The following RHBDD1 variants were observed in gnomAD, a reference collection of about 807,000 sequenced individuals.
RHBDD1 encodes the protein rhomboid domain containing 1.
RHBDD1 carries 38 observed loss-of-function variants against 36.3 expected under a neutral mutation model. The observed-to-expected ratio is 1.05, with a 90% CI of 0.81 to 1.37. The LOEUF (loss-of-function observed/expected upper bound fraction) is 1.37. Among genes scored for constraint, RHBDD1 ranks in the 40% most tolerant of loss-of-function variants. The probability of loss-of-function intolerance (pLI) is 0.00; values close to 1 mark genes in which losing one functional copy is unlikely to be tolerated. For missense variants in RHBDD1, 393 were observed against 377.6 expected, an observed-to-expected ratio of 1.04 and a Z score of -0.34; for synonymous variants, 151 against 136.5, an observed-to-expected ratio of 1.11 and a Z score of -0.74.
intron 8 of RHBDD1, among the ~76,000 whole-genome samples, chr2:226,956,078 A>G (rs1271045583): frequency 2.0e-5 from 3 of 152,186 alleles, no homozygotes; most frequent in Non-Finnish European, 4.4e-5. Context: ...GAAAGATGAA[A>G]TGAGTTGCAC....
intron 5 of RHBDD1, among the ~76,000 whole-genome samples, chr2:226,874,603 T>C (rs549191066): frequency 3.3e-5 from 5 of 152,304 alleles, no homozygotes; most frequent in South Asian, 2.1e-4. Flanking sequence ...CTCCTTTTTC[T>C]ATCTGTGTTA....
chr2:226,871,762 T>C (rs1302235296), intron 5 of RHBDD1, among the ~76,000 whole-genome samples: 1 of 152,208 alleles, frequency 6.6e-6, no homozygotes, highest in Non-Finnish European at 1.5e-5. Context: ...TTAAACTGGC[T>C]CTTTTTTGGC....
intron 8 of RHBDD1, among the ~76,000 whole-genome samples, chr2:226,920,327 T>G (rs984439458): frequency 6.6e-6 from 1 of 152,134 alleles, no homozygotes. Context: ...CCATACCACC[T>G]GCAAACAAAG....
intron 8 of RHBDD1, chr2:226,988,867 TG>T: frequency 4.6e-6 from 1 of 219,496 alleles, no homozygotes; most frequent in Non-Finnish European, 7.7e-6. Context: ...CCTTACTCCT[TG>T]TCAAAGGAGA....
intron 8 of RHBDD1, among the ~76,000 whole-genome samples, chr2:226,943,868 T>C (rs996634234): frequency 6.6e-6 from 1 of 152,224 alleles, no homozygotes; most frequent in East Asian, 1.9e-4. Flanking sequence ...TATTTGCTCA[T>C]TGTTATTTTA....
rs187274019 is a variant in RHBDD1, at chr2:226,873,853, T to A, written c.566+6535T>A. Among the ~76,000 whole-genome samples the A allele has an allele frequency of 5.9e-4, 90 of 152,204 alleles. 1 individual carries two copies. Among genetic ancestry groups the A allele is most frequent in the Non-Finnish European group, 1.0e-3 (71 of 67,990 alleles). On this transcript the variant is annotated intron_variant, in intron 5 of 8. Coordinates refer to ENST00000392062, the MANE Select transcript of RHBDD1 (RefSeq NM_001167608.3). Reference sequence around the variant, plus strand: ...TTCAAGGGGTTGTGAGTTTAAGGTGTGGGTGGGTCTGTTTTCACACTGCTA... The same window carrying A: ...TTCAAGGGGTTGTGAGTTTAAGGTGAGGGTGGGTCTGTTTTCACACTGCTA...
chr2:226,956,880 G>A (rs1002685360), intron 8 of RHBDD1, among the ~76,000 whole-genome samples: 2 of 152,156 alleles, frequency 1.3e-5, no homozygotes, highest in East Asian at 1.9e-4. Flanking sequence ...GATGTTTCAA[G>A]GCCAAATCAG....
Position 226,906,864 on chromosome 2 carries a change from T to G in RHBDD1, c.638T>G (p.Ile213Ser), listed in dbSNP as rs926690928. 6.2e-7 allele frequency: 1 copy of G among 1,613,990 alleles called. No individual in the cohort carries two copies. Reference protein sequence around the residue: ...LMYTQGPLKKIMEACAGGFSS... With the variant: ...LMYTQGPLKKSMEACAGGFSS... ...TACACTCAAGGGCCTCTGAAGAAAA[T>G]CATGGAAGCATGTGCAGGTACAGAA... is the stretch of plus-strand genomic sequence containing the variant. Residue 213 changes from isoleucine (I) to serine (S), a missense_variant, in exon 6 of 9, where the codon ATC (isoleucine) becomes AGC (serine). By Grantham distance (142) the Ile-to-Ser change is moderately radical. Transcript: ENST00000392062.
rs951647392 is a variant in RHBDD1 at position 226,856,316 on chromosome 2, C to G, written c.-90-8288C>G. On this transcript the variant is annotated intron_variant, in intron 3 of 8. Transcript: ENST00000392062. ...ATTGCGAGTATTCAGTTAATAAATT[C>G]GTGTTTTTCACTAAATGCAAATATA... Among the ~76,000 whole-genome samples the G allele has an allele frequency of 2.0e-5, 3 of 152,082 alleles. No homozygotes were observed. The East Asian group carries it at 5.8e-4, about 29-fold the overall frequency.
At chr2:226,979,739 C>T (rs1030359906) in intron 8 of RHBDD1, among the ~76,000 whole-genome samples, 4 of 152,194 alleles carry the variant, frequency 2.6e-5, no homozygotes, top group Admixed American at 6.5e-5. Flanking sequence ...ACTTGAATGT[C>T]GGTCAGTCTC....
At chr2:226,884,246 G>A (rs943759645) in intron 5 of RHBDD1, among the ~76,000 whole-genome samples, 8 of 151,954 alleles carry the variant, frequency 5.3e-5, no homozygotes, top group African/African-American at 1.7e-4. Context: ...AGTCATGGGA[G>A]TTAAATAGGC....
intron 3 of RHBDD1, among the ~76,000 whole-genome samples, chr2:226,841,142 A>G (rs973293021): frequency 6.6e-6 from 1 of 151,040 alleles, no homozygotes; most frequent in African/African-American, 2.4e-5. Context: ...TCATTTATTT[A>G]TTTTTTTTGA....
At chr2:226,855,160 G>A (rs1012767194) in intron 3 of RHBDD1, among the ~76,000 whole-genome samples, 1 of 152,178 alleles carries the variant, frequency 6.6e-6, no homozygotes, top group Admixed American at 6.5e-5. Context: ...GTATTCATCT[G>A]GGGAGATGGT....
chr2:226,976,911 C>T lies in RHBDD1; in HGVS notation c.857-18520C>T, dbSNP rs1268047889. On this transcript the variant is annotated intron_variant, in intron 8 of 8. Coordinates refer to ENST00000392062, the MANE Select transcript of RHBDD1 (RefSeq NM_001167608.3). ...CTGAGGCTTCATTTATTTTGACCCC[C>T]TCCTCCCATTGAAAGAGCCATTATC... Among the ~76,000 whole-genome samples, 3 of 152,180 alleles carry T rather than the reference C, an allele frequency of 2.0e-5. No homozygotes were observed. In the East Asian group the frequency reaches 5.8e-4, roughly 29 times the overall value.
upstream of RHBDD1, among the ~76,000 whole-genome samples, chr2:226,832,469 T>A (rs192081408): frequency 6.6e-6 from 1 of 152,216 alleles, no homozygotes; most frequent in Non-Finnish European, 1.5e-5. Flanking sequence ...CAGTGGTCTG[T>A]ACATGTTGGT....
intron 8 of RHBDD1, among the ~76,000 whole-genome samples, chr2:226,981,917 A>G (rs1955857040): frequency 6.6e-6 from 1 of 152,208 alleles, no homozygotes; most frequent in East Asian, 1.9e-4. Flanking sequence ...ATCTACTCCA[A>G]ACAGATAAAG....
At chr2:226,920,386 C>G (rs1283090502) in intron 8 of RHBDD1, among the ~76,000 whole-genome samples, 3 of 151,992 alleles carry the variant, frequency 2.0e-5, no homozygotes, top group Non-Finnish European at 2.9e-5. Context: ...ATTTATTTGT[C>G]TTGGCTGATT....
At chr2:226,974,029 C>T (rs1954083429) in intron 8 of RHBDD1, among the ~76,000 whole-genome samples, 1 of 152,148 alleles carries the variant, frequency 6.6e-6, no homozygotes, top group Admixed American at 6.5e-5. Context: ...CACATGCTTG[C>T]CTCCTTACCC....
At chr2:226,988,637 A>G (rs1204256698) in intron 8 of RHBDD1, 1 of 1,328,100 alleles carries the variant, frequency 7.5e-7, no homozygotes, top group African/African-American at 1.5e-5. Flanking sequence ...TTGGCCCTGG[A>G]GCTTCTGAGA....
Sources: gnomAD v4.1 joint callset for allele counts (sites outside exome capture counted in the v4.1 genomes callset) on GRCh38, gnomAD v4.1.1 for gene constraint, MANE v1.5 for transcripts, NCBI Gene and HGNC (gene_info 2026-07-23, HGNC 2026-07-21) for gene names.